BAIAP2: variants seen among roughly 807,000 people sequenced by gnomAD.
BAIAP2 encodes BAR/IMD domain containing adaptor protein 2.
In BAIAP2, 18 loss-of-function variants were observed where a neutral mutation model predicts 63.0. The observed-to-expected ratio is 0.29, with a 90% CI of 0.20 to 0.42. The LOEUF (loss-of-function observed/expected upper bound fraction) is 0.42, where lower values mean the gene tolerates loss of function less well. Among genes scored for constraint, BAIAP2 ranks in the 10% least tolerant of loss-of-function variants. BAIAP2 has a pLI of 1.00. For synonymous variants in BAIAP2, 386 were observed against 307.6 expected, an observed-to-expected ratio of 1.25 and a Z score of -2.67; for missense variants, 610 against 734.3, an observed-to-expected ratio of 0.83 and a Z score of 1.96.
intron 1 of BAIAP2, among the ~76,000 whole-genome samples, chr17:81,041,301 G>A (rs1287597883): frequency 6.6e-6 from 1 of 152,158 alleles, no homozygotes; most frequent in Admixed American, 6.5e-5. Flanking sequence ...TGGAGGCTCT[G>A]GGGCCTGTCC....
intron 1 of BAIAP2, among the ~76,000 whole-genome samples, chr17:81,042,872 T>TA (rs1262796663): frequency 0.048 from 7,198 of 151,506 alleles, 230 homozygotes; most frequent in East Asian, 0.14. Flanking sequence ...GCGGGGCTTT[T>TA]ATTTTAATTT....
chr17:81,077,473 C>T (rs1408688117), intron 3 of BAIAP2, among the ~76,000 whole-genome samples: 2 of 151,698 alleles, frequency 1.3e-5, no homozygotes, highest in Non-Finnish European at 1.5e-5. Context: ...GAGGCTGAGG[C>T]AGGATAATCA....
intron 6 of BAIAP2, 94 bp downstream of exon 6, chr17:81,086,674 C>A (rs41292398): frequency 1.4e-6 from 2 of 1,431,092 alleles, no homozygotes; most frequent in Non-Finnish European, 9.7e-7. Context: ...GACAGCAGCC[C>A]CCCAGGTGCG....
chr17:81,100,035 G>A lies in BAIAP2; in HGVS notation c.597G>A (p.Glu199=). 6.2e-7 allele frequency: 1 copy of A among 1,612,696 alleles called. No homozygotes were observed. The highest frequency in any genetic ancestry group is 1.1e-5 in the South Asian group (1 of 91,076). ...EERRRFCFLV[E]KQCAVAKNSA... Reference sequence around the variant, plus strand: ...GCAGGCGCTTCTGCTTCCTGGTGGAGAAGCAGTGCGCCGTGGCCAAGAACT... The same window carrying A: ...GCAGGCGCTTCTGCTTCCTGGTGGAAAAGCAGTGCGCCGTGGCCAAGAACT... The change falls in exon 7 of 14, where the codon GAG becomes GAA. Residue 199 remains glutamate, a synonymous_variant. Coordinates refer to ENST00000428708, the MANE Select transcript of BAIAP2 (RefSeq NM_001144888.2).
Position 81,116,261 on chromosome 17 carries a change from C to T in BAIAP2, c.*422C>T, listed in dbSNP as rs149637388. 237 of 1,612,840 alleles carry T rather than the reference C, an allele frequency of 1.5e-4. No individual in the cohort carries two copies. In the African/African-American group the frequency reaches 1.6e-3, roughly 11 times the overall value. ...TCTGTCCGCCCAAGGGCCAGAAGGC[C>T]GGGAGCACGGGGATGGGAGCGCCCG... On this transcript the variant is annotated 3_prime_UTR_variant, in exon 14 of 14. Coordinates refer to ENST00000428708, the MANE Select transcript of BAIAP2 (RefSeq NM_001144888.2).
chr17:81,048,966 C>T (rs1479544774), intron 1 of BAIAP2, among the ~76,000 whole-genome samples: 1 of 152,168 alleles, frequency 6.6e-6, no homozygotes, highest in Non-Finnish European at 1.5e-5. Context: ...GCCGGACCGC[C>T]TTCATGGGCA....
intron 2 of BAIAP2, among the ~76,000 whole-genome samples, chr17:81,056,948 T>TGCGTTTTTCTGCTGTTG (rs2049689809): frequency 3.9e-5 from 6 of 152,356 alleles, no homozygotes; most frequent in South Asian, 4.1e-4. Flanking sequence ...TTTCTTTTGT[T>TGCGTTTTTCTGCTGTTG]CGAGGCAGCA....
intron 13 of BAIAP2, chr17:81,110,956 G>A: frequency 6.2e-7 from 1 of 1,613,886 alleles, no homozygotes; most frequent in South Asian, 1.1e-5. Flanking sequence ...CCTGACTAGA[G>A]TTAGTAAGTT....
In BAIAP2 at chr17:81,116,283, C is replaced by T. The variant is rs1248924876; in HGVS notation, c.*444C>T. On this transcript the variant is annotated 3_prime_UTR_variant, in exon 14 of 14. Coordinates refer to ENST00000428708, the MANE Select transcript of BAIAP2 (RefSeq NM_001144888.2). Reference sequence around the variant, plus strand: ...GGCCGGGAGCACGGGGATGGGAGCGCCCGCACCCTGGCTGGAAGATGAACT... The same window carrying T: ...GGCCGGGAGCACGGGGATGGGAGCGTCCGCACCCTGGCTGGAAGATGAACT... 1.9e-6 allele frequency: 3 copies of T among 1,612,884 alleles called. No homozygotes were observed. The highest frequency in any genetic ancestry group is 1.3e-5 in the African/African-American group (1 of 75,062).
chr17:81,054,337 C>T (rs1040973107), intron 2 of BAIAP2, among the ~76,000 whole-genome samples: 3 of 151,640 alleles, frequency 2.0e-5, no homozygotes, highest in East Asian at 1.9e-4. Context: ...GCCCGGGCCC[C>T]GTGGGGTGGG....
chr17:81,041,900 A>G (rs1220097017), intron 1 of BAIAP2, among the ~76,000 whole-genome samples: 1 of 152,096 alleles, frequency 6.6e-6, no homozygotes, highest in African/African-American at 2.4e-5. Flanking sequence ...CAATAATCAT[A>G]TATTGAATTC....
chr17:81,086,475 G>A lies in BAIAP2; in HGVS notation c.384G>A (p.Arg128=). The stretch of plus-strand genomic sequence containing the variant: ...TGAAGAAATACCAGACTGAGCAAAG[G>A]AGCAAAGGCGACGCCCTGGACAAGT... ...AALKKYQTEQ[R]SKGDALDKCQ... The change falls in exon 6 of 14, where the codon AGG becomes AGA. Residue 128 remains arginine (R), a synonymous_variant. Transcript: ENST00000428708. The A allele has an allele frequency of 6.2e-7, 1 of 1,614,080 alleles. No individual in the cohort carries two copies. Among genetic ancestry groups the A allele is most frequent in the Non-Finnish European group, 8.5e-7 (1 of 1,180,022 alleles).
In BAIAP2 at chr17:81,072,758, C is replaced by T. The variant is rs190390382; in HGVS notation, c.218-12074C>T. 2.1e-3 allele frequency among the ~76,000 whole-genome samples: 313 copies of T among 152,078 alleles called. 1 individual carries two copies. Among genetic ancestry groups the T allele is most frequent in the African/African-American group, 7.0e-3 (292 of 41,480 alleles). The stretch of plus-strand genomic sequence containing the variant: ...CATTTTTCCTGACCTCTTCGCCCAG[C>T]GTCCTCTGCTTGGAGGTGGGTGTAT... On this transcript the variant is annotated intron_variant, in intron 3 of 13. Coordinates refer to ENST00000428708, the MANE Select transcript of BAIAP2 (RefSeq NM_001144888.2).
At chr17:81,060,498 C>T (rs1293075649) in intron 3 of BAIAP2, among the ~76,000 whole-genome samples, 1 of 152,202 alleles carries the variant, frequency 6.6e-6, no homozygotes, top group African/African-American at 2.4e-5. Flanking sequence ...TTTACCGTCC[C>T]TCTGTGCTAT....
intron 3 of BAIAP2, among the ~76,000 whole-genome samples, chr17:81,066,378 T>C (rs2051467245): frequency 6.6e-6 from 1 of 152,246 alleles, no homozygotes; most frequent in African/African-American, 2.4e-5. Context: ...GGCTGGATTT[T>C]GGTCACTGAG....
At chr17:81,098,333 CCAGTT>C in intron 6 of BAIAP2, 2 of 551,558 alleles carry the variant, frequency 3.6e-6, no homozygotes, top group African/African-American at 3.9e-5. Context: ...CTCCCCCTCT[CCAGTT>C]TCCTCCCGAG....
intron 13 of BAIAP2, among the ~76,000 whole-genome samples, chr17:81,114,607 C>G (rs2060305762): frequency 1.3e-5 from 2 of 152,238 alleles, no homozygotes. Context: ...TTCCGCAGAC[C>G]TGTCAGTCTC....
intron 1 of BAIAP2, among the ~76,000 whole-genome samples, chr17:81,042,735 G>A (rs1384572538): frequency 6.6e-6 from 1 of 152,094 alleles, no homozygotes; most frequent in African/African-American, 2.4e-5. Context: ...GGATGGTGGT[G>A]GGGGAGAGGG....
At chr17:81,104,179 A>G in intron 9 of BAIAP2, 71 bp downstream of exon 9, 3 of 1,526,378 alleles carry the variant, frequency 2.0e-6, no homozygotes, top group African/African-American at 2.7e-5. Flanking sequence ...GTCATGCCAC[A>G]ACCCTCAATA....
Sources: gnomAD v4.1 joint callset for allele counts (sites outside exome capture counted in the v4.1 genomes callset) on GRCh38, gnomAD v4.1.1 for gene constraint, MANE v1.5 for transcripts, NCBI Gene and HGNC (gene_info 2026-07-23, HGNC 2026-07-21) for gene names.